The following FGF7 variants were observed in gnomAD, a reference collection of about 807,000 sequenced individuals.
FGF7 encodes the protein fibroblast growth factor 7.
FGF7 carries 6 observed loss-of-function variants against 20.5 expected under a neutral mutation model. The observed-to-expected ratio is 0.29, with a 90% CI of 0.16 to 0.58. FGF7 has a LOEUF of 0.58. Among genes scored for constraint, FGF7 ranks in the 20% least tolerant of loss-of-function variants. The probability of loss-of-function intolerance (pLI) is 0.90; values close to 1 mark genes in which losing one functional copy is unlikely to be tolerated. For synonymous variants in FGF7, 64 were observed against 74.7 expected (o/e 0.86, Z 0.74); for missense variants, 144 against 228.8 (o/e 0.63, Z 2.39).
At position 49,486,385 on chromosome 15, in the gene FGF7, T is replaced by C. The variant is rs1442872411; in HGVS notation, c.*1881T>C. The C allele has an allele frequency of 1.3e-5, 2 of 151,974 alleles. No homozygotes were observed. Among genetic ancestry groups the C allele is most frequent in the Non-Finnish European group, 1.5e-5 (1 of 67,912 alleles). The allele number at this position is 151,974 out of a possible 1,614,324, so 9.4% of individuals were successfully genotyped here. On this transcript the variant is annotated 3_prime_UTR_variant, in exon 4 of 4. Transcript: ENST00000267843. Reference sequence around the variant, plus strand: ...ATTCAAGGACTTTGCTAGCTAGGTTTTGAGGTCAGGCTTCAGTAACTGTAG... The same window carrying C: ...ATTCAAGGACTTTGCTAGCTAGGTTCTGAGGTCAGGCTTCAGTAACTGTAG...
chr15:49,470,330 A>G (rs1271259255), intron 2 of FGF7, among the ~76,000 whole-genome samples: 1 of 152,184 alleles, frequency 6.6e-6, no homozygotes, highest in Non-Finnish European at 1.5e-5. Flanking sequence ...GTCAGATATG[A>G]AATTTTTTGG....
intron 2 of FGF7, among the ~76,000 whole-genome samples, chr15:49,451,664 C>T (rs2052755999): frequency 1.3e-5 from 2 of 152,074 alleles, no homozygotes; most frequent in African/African-American, 4.8e-5. Context: ...CAGCACAAGC[C>T]AAACTGAACT....
chr15:49,465,656 TGGC>T (rs2054206390), intron 2 of FGF7, among the ~76,000 whole-genome samples: 1 of 152,172 alleles, frequency 6.6e-6, no homozygotes, highest in African/African-American at 2.4e-5. Flanking sequence ...TTTTTTGAGT[TGGC>T]ATCATAAAAT....
rs535982423 is a variant in FGF7, at chr15:49,445,735, T to G, written c.286+21152T>G. Reference sequence around the variant, plus strand: ...TCAGATGATAATAGCTGTCCAGTTTTTAAAAACTGCAGGTATCTGTTTAAA... The same window carrying G: ...TCAGATGATAATAGCTGTCCAGTTTGTAAAAACTGCAGGTATCTGTTTAAA... On this transcript the variant is annotated intron_variant, in intron 2 of 3. Transcript: ENST00000267843. 9.0e-4 allele frequency among the ~76,000 whole-genome samples: 137 copies of G among 151,716 alleles called. 5 individuals carry two copies. The South Asian group carries it at 0.027, about 30-fold the overall frequency.
At chr15:49,435,073 T>C (rs2050974690) in intron 2 of FGF7, among the ~76,000 whole-genome samples, 1 of 151,464 alleles carries the variant, frequency 6.6e-6, no homozygotes, top group Non-Finnish European at 1.5e-5. Context: ...ACATACAAAA[T>C]AGTATACATT....
At chr15:49,451,542 A>G (rs2052742479) in intron 2 of FGF7, among the ~76,000 whole-genome samples, 1 of 152,066 alleles carries the variant, frequency 6.6e-6, no homozygotes, top group Non-Finnish European at 1.5e-5. Context: ...CTAAAATTTT[A>G]GTATTTATAT....
chr15:49,458,768 C>A (rs1425841342), intron 2 of FGF7, among the ~76,000 whole-genome samples: 2 of 152,014 alleles, frequency 1.3e-5, no homozygotes, highest in East Asian at 3.9e-4. Flanking sequence ...AAAATCCTGT[C>A]TTTTAGAAAT....
intron 2 of FGF7, 43 bp downstream of exon 2, chr15:49,424,626 T>C: frequency 7.1e-7 from 1 of 1,414,402 alleles, no homozygotes; most frequent in Non-Finnish European, 9.5e-7. Context: ...AGCAATCTGT[T>C]AATGGATCAA....
chr15:49,466,978 C>T (rs1468765330), intron 2 of FGF7, among the ~76,000 whole-genome samples: 1 of 152,054 alleles, frequency 6.6e-6, no homozygotes, highest in South Asian at 2.1e-4. Flanking sequence ...GACTTTAAAT[C>T]GTGCTTTAAT....
Position 49,424,445 on chromosome 15 carries a change from G to A in FGF7, c.148G>A (p.Glu50Lys). 1.2e-6 allele frequency: 2 copies of A among 1,613,506 alleles called. No homozygotes were observed. The highest frequency in any genetic ancestry group is 1.7e-6 in the Non-Finnish European group (2 of 1,179,626). ...TACAAATGTGAACTGTTCCAGCCCT[G>A]AGCGACACACAAGAAGTTATGATTA... The part of the protein sequence containing the change: ...MATNVNCSSP[E>K]RHTRSYDYME... Residue 50 changes from glutamate (E) to lysine (K), a missense_variant, in exon 2 of 4, where the codon GAG (glutamate) becomes AAG (lysine). Coordinates refer to ENST00000267843, the MANE Select transcript of FGF7 (RefSeq NM_002009.4).
At chr15:49,447,454 G>C (rs1032711126) in intron 2 of FGF7, among the ~76,000 whole-genome samples, 17 of 151,612 alleles carry the variant, frequency 1.1e-4, no homozygotes, top group African/African-American at 3.6e-4. Flanking sequence ...CATTACAAGA[G>C]TCAAATATGG....
chr15:49,436,851 G>A (rs2051152368), intron 2 of FGF7, among the ~76,000 whole-genome samples: 1 of 151,530 alleles, frequency 6.6e-6, no homozygotes, highest in Non-Finnish European at 1.5e-5. Flanking sequence ...GGGATAATTT[G>A]CATCTGAAGA....
intron 2 of FGF7, among the ~76,000 whole-genome samples, chr15:49,436,055 C>A (rs2051074748): frequency 6.6e-6 from 1 of 151,350 alleles, no homozygotes; most frequent in Non-Finnish European, 1.5e-5. Flanking sequence ...TACTTCATTT[C>A]ACGGAAGAAA....
At chr15:49,454,207 A>G (rs911188137) in intron 2 of FGF7, among the ~76,000 whole-genome samples, 4 of 152,212 alleles carry the variant, frequency 2.6e-5, no homozygotes, top group Non-Finnish European at 5.9e-5. Flanking sequence ...CATCAGAAAT[A>G]CAGACTAAAT....
rs961122944 is a variant in FGF7 at position 49,460,329 on chromosome 15, T to C, written c.287-22822T>C. On this transcript the variant is annotated intron_variant, in intron 2 of 3. Transcript: ENST00000267843. The stretch of plus-strand genomic sequence containing the variant: ...ATAACAATATGTTGAGACAAACATA[T>C]AGCCATGCTTATGGAAGGTGAAGTT... 2.6e-5 allele frequency among the ~76,000 whole-genome samples: 4 copies of C among 152,286 alleles called. 1 individual carries two copies. Among genetic ancestry groups the C allele is most frequent in the African/African-American group, 4.8e-5 (2 of 41,562 alleles).
At chr15:49,439,706 A>T (rs1211566235) in intron 2 of FGF7, among the ~76,000 whole-genome samples, 1 of 151,786 alleles carries the variant, frequency 6.6e-6, no homozygotes, top group Non-Finnish European at 1.5e-5. Flanking sequence ...CTCAGGAGGA[A>T]CGTGGCTCTC....
At chr15:49,450,099 C>T (rs187812994) in intron 2 of FGF7, among the ~76,000 whole-genome samples, 4 of 152,084 alleles carry the variant, frequency 2.6e-5, no homozygotes, top group African/African-American at 7.2e-5. Context: ...CAAATTAAAA[C>T]GGAGTTGTGG....
chr15:49,439,339 T>C lies in FGF7; in HGVS notation c.286+14756T>C, dbSNP rs553494889. On this transcript the variant is annotated intron_variant, in intron 2 of 3. Coordinates refer to ENST00000267843, the MANE Select transcript of FGF7 (RefSeq NM_002009.4). ...GAAAGGGAGGCAGAGAGAGAGAGAA[T>C]CTTTAAGATGGAAATTGCAGTGTGA... Among the ~76,000 whole-genome samples, 6 of 151,482 alleles carry C rather than the reference T, an allele frequency of 4.0e-5. No homozygotes were observed. The South Asian group carries it at 1.0e-3, about 26-fold the overall frequency.
intron 2 of FGF7, among the ~76,000 whole-genome samples, chr15:49,462,885 T>G (rs1361444905): frequency 6.6e-6 from 1 of 152,224 alleles, no homozygotes; most frequent in Non-Finnish European, 1.5e-5. Flanking sequence ...AAATACATTT[T>G]ATTCTCTAGG....
Sources: gnomAD v4.1 joint callset for allele counts (sites outside exome capture counted in the v4.1 genomes callset) on GRCh38, gnomAD v4.1.1 for gene constraint, MANE v1.5 for transcripts, NCBI Gene and HGNC (gene_info 2026-07-23, HGNC 2026-07-21) for gene names.